The following SYTL3 variants were observed in gnomAD, a reference collection of about 807,000 sequenced individuals.
SYTL3 encodes synaptotagmin-like protein 3.
SYTL3 carries 88 observed loss-of-function variants against 82.1 expected under a neutral mutation model. The ratio of observed to expected loss-of-function variants is 1.07; its 90% CI spans 0.90 to 1.28. The LOEUF is 1.28. Among genes scored for constraint, SYTL3 ranks in the 50% most tolerant of loss-of-function variants. The pLI, the probability that SYTL3 is intolerant of heterozygous loss-of-function variation, is 0.00. For synonymous variants in SYTL3, 311 were observed against 289.4 expected (o/e 1.07, Z -0.76); for missense variants, 831 against 757.6 (o/e 1.10, Z -1.14).
At chr6:158,751,562 G>A (rs916640017) in intron 12 of SYTL3, among the ~76,000 whole-genome samples, 2 of 152,212 alleles carry the variant, frequency 1.3e-5, no homozygotes, top group African/African-American at 2.4e-5. Flanking sequence ...CAGGTGGTGG[G>A]TGGCAGAAGG....
rs139839252 is a variant in SYTL3, at chr6:158,682,976, A to G, written c.381A>G (p.Lys127=). The part of the protein sequence containing the change: ...GEWFYEERAK[K]FPTGGKHETV... Reference sequence around the variant, plus strand: ...GGTTCTATGAGGAACGAGCCAAGAAATTTCCAACTGGAGGTAAATGCTCTT... The same window carrying G: ...GGTTCTATGAGGAACGAGCCAAGAAGTTTCCAACTGGAGGTAAATGCTCTT... Residue 127 remains lysine, a synonymous_variant, in exon 6 of 18, where the codon AAA becomes AAG. Transcript: ENST00000611299. 1,317 of 1,612,074 alleles carry G rather than the reference A, an allele frequency of 8.2e-4. 1 individual carries two copies. Among genetic ancestry groups the G allele is most frequent in the Non-Finnish European group, 8.2e-4 (968 of 1,178,318 alleles).
At chr6:158,707,643 G>A (rs13206612) in intron 7 of SYTL3, among the ~76,000 whole-genome samples, 26,710 of 152,084 alleles carry the variant, frequency 0.18, 2,983 homozygotes, top group Non-Finnish European at 0.25. Context: ...CCTACCCAGC[G>A]CCTGGCGCGT....
upstream of SYTL3, among the ~76,000 whole-genome samples, chr6:158,647,864 A>G (rs957738713): frequency 3.9e-5 from 6 of 152,242 alleles, no homozygotes; most frequent in Non-Finnish European, 7.3e-5. Flanking sequence ...TTTGCGTGCA[A>G]TCACCTTTCT....
At position 158,747,256 on chromosome 6, in the gene SYTL3, G is replaced by C. The variant is rs546811452; in HGVS notation, c.1034+1598G>C. On this transcript the variant is annotated intron_variant, in intron 12 of 17. Transcript: ENST00000611299. The stretch of plus-strand genomic sequence containing the variant: ...CCCGCCTTGGCCTCCCAGAGTGCTG[G>C]GATTACAGGCATGAACCACTGTGCC... Among the ~76,000 whole-genome samples the C allele has an allele frequency of 4.6e-5, 7 of 152,278 alleles. No individual in the cohort carries two copies. In the East Asian group the frequency reaches 1.4e-3, roughly 29 times the overall value.
At chr6:158,655,357 C>T (rs144337360) in intron 2 of SYTL3, among the ~76,000 whole-genome samples, 6 of 152,096 alleles carry the variant, frequency 3.9e-5, no homozygotes, top group Admixed American at 2.0e-4. Context: ...ATCTCCGTGT[C>T]GCAATATTCT....
At chr6:158,688,376 A>G (rs948061475) in intron 6 of SYTL3, among the ~76,000 whole-genome samples, 2 of 152,184 alleles carry the variant, frequency 1.3e-5, no homozygotes, top group African/African-American at 4.8e-5. Flanking sequence ...CTTATTTACA[A>G]CAGGCTGGCA....
At chr6:158,653,490 G>A (rs899365529) in intron 2 of SYTL3, among the ~76,000 whole-genome samples, 1 of 151,372 alleles carries the variant, frequency 6.6e-6, no homozygotes, top group African/African-American at 2.4e-5. Flanking sequence ...TGGGCAACAA[G>A]AGCGAACTCC....
chr6:158,650,710 A>G (rs1048411156), intron 1 of SYTL3, among the ~76,000 whole-genome samples: 1 of 152,042 alleles, frequency 6.6e-6, no homozygotes, highest in South Asian at 2.1e-4. Context: ...TGGGAGGCCA[A>G]GGTGGGTAGA....
At chr6:158,686,230 C>T (rs908359407) in intron 6 of SYTL3, among the ~76,000 whole-genome samples, 10 of 152,162 alleles carry the variant, frequency 6.6e-5, no homozygotes, top group Non-Finnish European at 1.2e-4. Context: ...TGCCTTATAA[C>T]TTTAAGAATA....
At chr6:158,759,908 T>A (rs191870276) in intron 14 of SYTL3, among the ~76,000 whole-genome samples, 30 of 152,190 alleles carry the variant, frequency 2.0e-4, no homozygotes, top group African/African-American at 6.7e-4. Context: ...ATTTTTTTTT[T>A]AAGCTCATCA....
At chr6:158,716,504 C>T (rs9456343) in intron 9 of SYTL3, among the ~76,000 whole-genome samples, 22,975 of 152,032 alleles carry the variant, frequency 0.15, 2,144 homozygotes, top group African/African-American at 0.27. Flanking sequence ...GGACCTGGTG[C>T]GTACTAGTGC....
chr6:158,699,031 C>A (rs1192668330), intron 6 of SYTL3, among the ~76,000 whole-genome samples: 1 of 152,198 alleles, frequency 6.6e-6, no homozygotes, highest in Non-Finnish European at 1.5e-5. Context: ...ACAGCGTGAC[C>A]CATGCTGTGT....
At chr6:158,709,860 G>C (rs9456342) in intron 8 of SYTL3, among the ~76,000 whole-genome samples, 24,386 of 152,184 alleles carry the variant, frequency 0.16, 2,278 homozygotes, top group South Asian at 0.35. Context: ...AACATAGCAA[G>C]ACCCTATCTA....
chr6:158,731,519 A>G (rs1372992220), intron 11 of SYTL3, among the ~76,000 whole-genome samples: 1 of 152,010 alleles, frequency 6.6e-6, no homozygotes, highest in East Asian at 1.9e-4. Flanking sequence ...CATCACCTTC[A>G]GAATCATGGG....
At chr6:158,650,545 G>C (rs1181106734) in intron 1 of SYTL3, among the ~76,000 whole-genome samples, 1 of 151,694 alleles carries the variant, frequency 6.6e-6, no homozygotes, top group Non-Finnish European at 1.5e-5. Flanking sequence ...AGTTAGCTAG[G>C]GTCTAATTTA....
intron 15 of SYTL3, 102 bp from the exon 16 acceptor site, chr6:158,761,974 G>A (rs1183245227): frequency 3.8e-6 from 3 of 783,528 alleles, no homozygotes; most frequent in African/African-American, 3.5e-5. Flanking sequence ...TCTGAGGGCT[G>A]TAGCAGATTC....
intron 9 of SYTL3, among the ~76,000 whole-genome samples, chr6:158,714,493 T>C (rs1172226712): frequency 6.6e-6 from 1 of 152,252 alleles, no homozygotes; most frequent in Non-Finnish European, 1.5e-5. Context: ...GTAAATGTAT[T>C]TTCTTCAGTT....
intron 8 of SYTL3, among the ~76,000 whole-genome samples, chr6:158,713,157 C>T (rs1041568915): frequency 7.9e-5 from 12 of 152,090 alleles, no homozygotes; most frequent in South Asian, 2.1e-4. Flanking sequence ...CCAGTACCTA[C>T]GTGCTCATGA....
chr6:158,665,925 C>T (rs1422247912), intron 5 of SYTL3, among the ~76,000 whole-genome samples: 3 of 152,024 alleles, frequency 2.0e-5, no homozygotes, highest in Admixed American at 6.5e-5. Flanking sequence ...GCCTGGGCAA[C>T]GTAGTGAGAC....
Sources: allele counts gnomAD v4.1 joint callset (sites outside exome capture counted in the v4.1 genomes callset), GRCh38; gene constraint gnomAD v4.1.1; transcripts MANE v1.5; gene names NCBI Gene and HGNC (gene_info 2026-07-23, HGNC 2026-07-21).